Variants in DGKH observed in about 807,000 individuals in gnomAD.
The protein encoded by DGKH is diacylglycerol kinase eta, also known as DAG kinase eta.
A neutral mutation model predicts 159.3 loss-of-function variants in DGKH; 90 were observed. The observed-to-expected ratio is 0.57, with a 90% confidence interval of 0.48 to 0.67. The LOEUF (loss-of-function observed/expected upper bound fraction) is 0.67, where lower values mean the gene tolerates loss of function less well. Among genes scored for constraint, DGKH ranks in the 30% least tolerant of loss-of-function variants. The probability of loss-of-function intolerance (pLI) is 0.00; values close to 1 mark genes in which losing one functional copy is unlikely to be tolerated. For synonymous variants in DGKH, 536 were observed against 553.8 expected, an observed-to-expected ratio of 0.97 and a Z score of 0.45; for missense variants, 1,181 against 1,506.1, an observed-to-expected ratio of 0.78 and a Z score of 3.57.
At chr13:42,185,052 C>T (rs1341231471) in intron 13 of DGKH, among the ~76,000 whole-genome samples, 1 of 152,008 alleles carries the variant, frequency 6.6e-6, no homozygotes, top group African/African-American at 2.4e-5. Flanking sequence ...TGGAGAATAT[C>T]TTTTGTCTTC....
intron 1 of DGKH, among the ~76,000 whole-genome samples, chr13:42,106,218 G>C (rs1308863355): frequency 6.6e-6 from 1 of 152,132 alleles, no homozygotes; most frequent in Non-Finnish European, 1.5e-5. Flanking sequence ...ATGTTGGCCA[G>C]GCTGGTCTTC....
At chr13:42,091,101 CAAAT>C (rs1954408563) in intron 1 of DGKH, among the ~76,000 whole-genome samples, 1 of 152,064 alleles carries the variant, frequency 6.6e-6, no homozygotes. Context: ...TATAGCAGCA[CAAAT>C]AGACTAAGAC....
intron 18 of DGKH, among the ~76,000 whole-genome samples, chr13:42,198,924 C>T (rs547928595): frequency 6.6e-6 from 1 of 152,246 alleles, no homozygotes; most frequent in Non-Finnish European, 1.5e-5. Context: ...CATCTTTCCA[C>T]GTCAGCTTCT....
chr13:42,084,814 G>A (rs1304243577), intron 1 of DGKH, among the ~76,000 whole-genome samples: 3 of 151,448 alleles, frequency 2.0e-5, no homozygotes, highest in Non-Finnish European at 4.4e-5. Flanking sequence ...ATGCCACCTA[G>A]GTTCTAACCA....
intron 1 of DGKH, among the ~76,000 whole-genome samples, chr13:42,122,372 G>C (rs1386424356): frequency 6.6e-6 from 1 of 152,182 alleles, no homozygotes; most frequent in Non-Finnish European, 1.5e-5. Flanking sequence ...CTGGGCATCT[G>C]GTGAGAGCCT....
chr13:42,160,645 C>G (rs1466928267), intron 7 of DGKH, among the ~76,000 whole-genome samples: 1 of 152,150 alleles, frequency 6.6e-6, no homozygotes, highest in African/African-American at 2.4e-5. Context: ...GGAAGGAGAT[C>G]ATGTAGACAG....
At chr13:42,132,705 C>T (rs1288538409) in intron 3 of DGKH, among the ~76,000 whole-genome samples, 1 of 152,094 alleles carries the variant, frequency 6.6e-6, no homozygotes, top group Non-Finnish European at 1.5e-5. Flanking sequence ...AGTTTGAGAC[C>T]AGCCTGGGGA....
At chr13:42,153,126 T>C (rs1202175416) in intron 3 of DGKH, among the ~76,000 whole-genome samples, 1 of 152,220 alleles carries the variant, frequency 6.6e-6, no homozygotes, top group African/African-American at 2.4e-5. Context: ...TAAAACAAGT[T>C]TTTATTGAAA....
intron 19 of DGKH, 47 bp from the exon 20 acceptor site, chr13:42,199,766 T>G: frequency 6.3e-7 from 1 of 1,577,974 alleles, no homozygotes; most frequent in South Asian, 1.2e-5. Context: ...CTTTAAGGAG[T>G]AAATAAATAA....
intron 29 of DGKH, among the ~76,000 whole-genome samples, chr13:42,228,176 G>A (rs388790): frequency 0.93 from 142,199 of 152,166 alleles, 66,729 homozygotes; most frequent in East Asian, 1. Flanking sequence ...ATATTTGCAA[G>A]GTACTTGCTG....
intron 1 of DGKH, among the ~76,000 whole-genome samples, chr13:42,088,190 A>G (rs1566094589): frequency 1.3e-5 from 2 of 152,202 alleles, no homozygotes; most frequent in African/African-American, 4.8e-5. Flanking sequence ...TCAAAAGTGA[A>G]GGCAAAATAA....
chr13:42,116,418 A>G (rs1954969971), intron 1 of DGKH, among the ~76,000 whole-genome samples: 1 of 152,154 alleles, frequency 6.6e-6, no homozygotes. Context: ...CTTAGATGAG[A>G]AGTGGAGGTC....
chr13:42,171,365 G>T (rs1426702506), intron 11 of DGKH, among the ~76,000 whole-genome samples: 1 of 152,208 alleles, frequency 6.6e-6, no homozygotes, highest in Non-Finnish European at 1.5e-5. Context: ...CCCTTTATGT[G>T]TGTAGGCCAG....
chr13:42,245,571 G>A (rs117715960), downstream of DGKH, among the ~76,000 whole-genome samples: 1 of 152,028 alleles, frequency 6.6e-6, no homozygotes, highest in Non-Finnish European at 1.5e-5. Flanking sequence ...TTAAAAGCAG[G>A]TCACTACTAA....
chr13:42,195,035 C>T lies in DGKH; in HGVS notation c.2167+19C>T, dbSNP rs771440610. On this transcript the variant is annotated intron_variant, in intron 17 of 29. Coordinates refer to ENST00000337343, the MANE Select transcript of DGKH (RefSeq NM_178009.5). The stretch of plus-strand genomic sequence containing the variant: ...TGCCCAGGTAGTACAGATTCTGAAA[C>T]ATCGTGTATTTTTCAGTATTTCTGT... 1.2e-6 allele frequency: 2 copies of T among 1,605,606 alleles called. No homozygotes were observed. The highest frequency in any genetic ancestry group is 4.5e-5 in the East Asian group (2 of 44,724).
intron 5 of DGKH, among the ~76,000 whole-genome samples, chr13:42,158,070 T>G (rs1425563944): frequency 6.6e-6 from 1 of 152,322 alleles, no homozygotes; most frequent in Admixed American, 6.5e-5. Context: ...AGACGAATAT[T>G]TTTCAAGGAT....
intron 13 of DGKH, among the ~76,000 whole-genome samples, chr13:42,183,172 C>T (rs1019467166): frequency 1.3e-5 from 2 of 152,036 alleles, no homozygotes; most frequent in Admixed American, 6.5e-5. Context: ...GCCTGTAGTC[C>T]TAGCTACTCA....
chr13:42,256,520 C>T, exon 31 of DGKH: 4 of 859,160 alleles, frequency 4.7e-6, no homozygotes, highest in Non-Finnish European at 8.1e-6. Context: ...TAAGGACATG[C>T]TGAGTCCAAA....
chr13:42,112,098 CAT>C (rs749042880), intron 1 of DGKH, among the ~76,000 whole-genome samples: 15 of 152,288 alleles, frequency 9.8e-5, no homozygotes, highest in East Asian at 3.9e-4. Context: ...AGAATCAGAA[CAT>C]GTGTGTGTTT....
Sources: allele counts gnomAD v4.1 joint callset (sites outside exome capture counted in the v4.1 genomes callset), GRCh38; gene constraint gnomAD v4.1.1; transcripts MANE v1.5; gene names NCBI Gene and HGNC (gene_info 2026-07-23, HGNC 2026-07-21).